GAREM1: variants seen among roughly 807,000 people sequenced by gnomAD.
GAREM1 encodes the protein GRB2-associated and regulator of MAPK protein 1.
A neutral mutation model predicts 71.3 loss-of-function variants in GAREM1; 26 were observed. That is an observed-to-expected ratio of 0.36 (90% CI 0.27 to 0.51). The LOEUF is 0.51. GAREM1 is among the 20% of genes least tolerant of loss of function. GAREM1 has a pLI of 0.95. For missense variants in GAREM1, 1,026 were observed against 1,103.1 expected, an observed-to-expected ratio of 0.93 and a Z score of 0.99; for synonymous variants, 440 against 433.2, an observed-to-expected ratio of 1.02 and a Z score of -0.20.
rs2047424618 is a variant in GAREM1 at position 32,321,188 on chromosome 18, T to A, written c.263-10865A>T. Among the ~76,000 whole-genome samples, 3 of 152,180 alleles carry A rather than the reference T, an allele frequency of 2.0e-5. No individual in the cohort carries two copies. In the South Asian group the frequency reaches 6.2e-4, roughly 32 times the overall value. Reference sequence around the variant, plus strand: ...GAATAAATAAACATATAATAGCTCTTTAATCTCTAACCACCAAGCCCAGAC... The same window carrying A: ...GAATAAATAAACATATAATAGCTCTATAATCTCTAACCACCAAGCCCAGAC... On this transcript the variant is annotated intron_variant, in intron 2 of 5. Transcript: ENST00000269209.
At chr18:32,348,100 G>A (rs1321828409) in intron 2 of GAREM1, among the ~76,000 whole-genome samples, 1 of 152,144 alleles carries the variant, frequency 6.6e-6, no homozygotes, top group African/African-American at 2.4e-5. Flanking sequence ...AAGCCGCAAG[G>A]GAATGCTCTA....
intron 4 of GAREM1, among the ~76,000 whole-genome samples, chr18:32,283,041 T>C (rs1452246594): frequency 6.6e-6 from 1 of 152,238 alleles, no homozygotes; most frequent in Non-Finnish European, 1.5e-5. Context: ...CAGGTCATTC[T>C]GATCTGGGGG....
chr18:32,287,131 C>T lies in GAREM1; in HGVS notation c.1466G>A (p.Cys489Tyr), dbSNP rs1275927557. Residue 489 changes from cysteine (C) to tyrosine (Y), a missense_variant, in exon 4 of 6, where the codon TGT (cysteine) becomes TAT (tyrosine). Cys to Tyr is a radical substitution (Grantham distance 194, BLOSUM62 -2). Coordinates refer to ENST00000269209, the MANE Select transcript of GAREM1 (RefSeq NM_001242409.2). The surrounding 1 kb of genome is among the most constrained non-coding windows in gnomAD (Gnocchi z 5.9). ...AGGGATGGGAAGAGGAGAAGTCGCA[C>T]ATTTGGATCGGACAGAACCTCTAAA... The part of the protein sequence containing the change: ...DQFRGSVRSK[C>Y]ATSPLPIPGT... 5 of 1,614,122 alleles carry T rather than the reference C, an allele frequency of 3.1e-6. No individual in the cohort carries two copies. The African/African-American group carries it at 4.0e-5, about 13-fold the overall frequency.
At chr18:32,293,737 G>A (rs187361244) in intron 3 of GAREM1, among the ~76,000 whole-genome samples, 21 of 152,272 alleles carry the variant, frequency 1.4e-4, no homozygotes, top group Admixed American at 3.3e-4. Context: ...AAGTAACTAT[G>A]TAGTGGAGAA....
chr18:32,397,116 A>C, intron 1 of GAREM1, among the ~76,000 whole-genome samples: 1 of 152,226 alleles, frequency 6.6e-6, no homozygotes, highest in Non-Finnish European at 1.5e-5. Context: ...AGATTTTGTC[A>C]CCACCAGGCC....
chr18:32,384,365 A>G (rs1303573487), intron 2 of GAREM1, among the ~76,000 whole-genome samples: 1 of 152,226 alleles, frequency 6.6e-6, no homozygotes, highest in Non-Finnish European at 1.5e-5. Flanking sequence ...TGTAAATAGG[A>G]TTCAAGGATG....
At chr18:32,329,801 G>A (rs1402177758) in intron 2 of GAREM1, among the ~76,000 whole-genome samples, 1 of 151,834 alleles carries the variant, frequency 6.6e-6, no homozygotes, top group African/African-American at 2.4e-5. Flanking sequence ...AGTGGGGCTG[G>A]GGCAGCCATT....
At chr18:32,373,943 AC>A (rs2048010373) in intron 2 of GAREM1, among the ~76,000 whole-genome samples, 1 of 152,226 alleles carries the variant, frequency 6.6e-6, no homozygotes, top group African/African-American at 2.4e-5. Context: ...ATTAATGATG[AC>A]AATGTTCTTA....
At chr18:32,395,431 C>T (rs998863924) in intron 1 of GAREM1, among the ~76,000 whole-genome samples, 4 of 152,128 alleles carry the variant, frequency 2.6e-5, no homozygotes, top group East Asian at 1.9e-4. Context: ...CAAATTCATT[C>T]GAAGGTGAGA....
Position 32,268,086 on chromosome 18 carries a change from C to A in GAREM1, c.2416G>T (p.Ala806Ser). 2 of 1,614,112 alleles carry A rather than the reference C, an allele frequency of 1.2e-6. No homozygotes were observed. Among genetic ancestry groups the A allele is most frequent in the Non-Finnish European group, 1.7e-6 (2 of 1,180,026 alleles). ...TCTATAGAGAGTCCTGATAGGTCAG[C>A]AGGTGGCTGCCATGGGGAACCGTCG... is the stretch of plus-strand genomic sequence containing the variant. ...CGDGSPWQPP[A>S]DLSGLSIEEV... is the part of the protein sequence containing the mutation. The change falls in exon 6 of 6, where the codon GCT becomes TCT. Residue 806 changes from alanine to serine, a missense_variant. Around this residue, in one of 3 missense-constraint regions of GAREM1, gnomAD observed 636 missense variants for 631.2 expected, o/e 1.01. Transcript: ENST00000269209.
rs140405830 is a variant in GAREM1 at position 32,320,447 on chromosome 18, T to C, written c.263-10124A>G. Among the ~76,000 whole-genome samples, 776 of 152,190 alleles carry C rather than the reference T, an allele frequency of 5.1e-3. 7 individuals carry two copies. The highest frequency in any genetic ancestry group is 0.018 in the African/African-American group (740 of 41,524). ...TTGAAGTTAGTTCCTAAAATTACTA[T>C]TTTTTCATGGCGGAGGAAGTGGAAG... On this transcript the variant is annotated intron_variant, in intron 2 of 5. Transcript: ENST00000269209.
intron 1 of GAREM1, among the ~76,000 whole-genome samples, chr18:32,423,208 G>C (rs2048537659): frequency 6.6e-6 from 1 of 152,152 alleles, no homozygotes; most frequent in South Asian, 2.1e-4. Context: ...CTTGCAGGCA[G>C]TTTTCTCATC....
intron 2 of GAREM1, among the ~76,000 whole-genome samples, chr18:32,356,970 G>A (rs1341404374): frequency 4.6e-5 from 7 of 152,126 alleles, no homozygotes; most frequent in African/African-American, 1.7e-4. Flanking sequence ...GGAGGTTTTG[G>A]TCCTAGCTTC....
chr18:32,325,457 C>A (rs1196660867), intron 2 of GAREM1, among the ~76,000 whole-genome samples: 1 of 152,052 alleles, frequency 6.6e-6, no homozygotes, highest in East Asian at 1.9e-4. Context: ...GGAGGCTCTG[C>A]GTGTGGTGGG....
Position 32,265,288 on chromosome 18 carries a change from CAACAA to C in GAREM1, c.*2578_*2582del, listed in dbSNP as rs1253681164. ...AAACAAAAAACAAAAAACAAAAAAACAACAACACTAGGCAATGAGAGAGATACTTT... is the reference window on the plus strand; with the variant it reads ...AAACAAAAAACAAAAAACAAAAAAACCACTAGGCAATGAGAGAGATACTTT... On this transcript the variant is annotated 3_prime_UTR_variant, in exon 6 of 6. Coordinates refer to ENST00000269209, the MANE Select transcript of GAREM1 (RefSeq NM_001242409.2). 1.3e-5 allele frequency: 2 copies of C among 152,146 alleles called. No individual in the cohort carries two copies. Among genetic ancestry groups the C allele is most frequent in the Admixed American group, 6.5e-5 (1 of 15,272 alleles). 9.4% of individuals were successfully genotyped at this position (152,146 alleles called of 1,614,324 possible). A position where few individuals can be genotyped will look rare whatever the true frequency, so the allele number is the denominator to read the frequency against.
chr18:32,398,493 C>T (rs929612152), intron 1 of GAREM1, among the ~76,000 whole-genome samples: 2 of 152,010 alleles, frequency 1.3e-5, no homozygotes, highest in African/African-American at 2.4e-5. Context: ...ATATCACCAC[C>T]GATCCCTCAG....
rs1484653493 is a variant in GAREM1, at chr18:32,470,532, A to C, written c.-104T>G. ...GCGCTCGCGGTCTGGGGCGCGCGGG[A>C]GGCGCCGGGCAGCTCCGGCCGCGGG... On this transcript the variant is annotated 5_prime_UTR_variant, in exon 1 of 6. Transcript: ENST00000269209. The surrounding 1 kb of genome is among the most constrained non-coding windows in gnomAD (Gnocchi z 4.4). 1 of 859,992 alleles carries C rather than the reference A, an allele frequency of 1.2e-6. No homozygotes were observed. Among genetic ancestry groups the C allele is most frequent in the East Asian group, 1.2e-4 (1 of 8,620 alleles). The allele number at this position is 859,992 out of a possible 1,614,324, so 53.3% of individuals were successfully genotyped here.
intron 1 of GAREM1, among the ~76,000 whole-genome samples, chr18:32,457,805 C>T (rs966973363): frequency 7.9e-5 from 12 of 152,038 alleles, no homozygotes; most frequent in Admixed American, 4.6e-4. Context: ...ACGTGCACAA[C>T]GTGCAGGTTT....
At chr18:32,382,891 A>T (rs949879961) in intron 2 of GAREM1, among the ~76,000 whole-genome samples, 3 of 152,174 alleles carry the variant, frequency 2.0e-5, no homozygotes, top group African/African-American at 7.2e-5. Flanking sequence ...GACCAGTTTT[A>T]TTAAAGGAAA....
Sources: gnomAD v4.1 joint callset for allele counts (sites outside exome capture counted in the v4.1 genomes callset) on GRCh38, gnomAD v4.1.1 for gene constraint, gnomAD v4.1.1 regional missense constraint, Gnocchi (gnomAD v3.1) non-coding constraint, MANE v1.5 for transcripts, NCBI Gene and HGNC (gene_info 2026-07-23, HGNC 2026-07-21) for gene names.